The following TRMT11 variants were observed in gnomAD, a reference collection of about 807,000 sequenced individuals.
The protein encoded by TRMT11 is tRNA (guanine(10)-N(2))-methyltransferase TRMT11.
In TRMT11, 53 loss-of-function variants were observed where a neutral mutation model predicts 62.8. The ratio of observed to expected loss-of-function variants is 0.84; its 90% CI spans 0.68 to 1.06. The LOEUF (loss-of-function observed/expected upper bound fraction) is 1.06. Among genes scored for constraint, TRMT11 ranks in the 50% least tolerant of loss-of-function variants. TRMT11 has a pLI of 0.00. For synonymous variants in TRMT11, 188 were observed against 190.3 expected (o/e 0.99, Z 0.10); for missense variants, 556 against 553.4 (o/e 1.00, Z -0.05).
rs570864681 is a variant in TRMT11 at position 126,125,142 on chromosome 6, T to G, written c.*1823+9287T>G. On this transcript the variant is annotated intron_variant and NMD_transcript_variant, in intron 21 of 22. Coordinates refer to the TRMT11 transcript ENST00000648977. Reference sequence around the variant, plus strand: ...GAATCTCTCTCTGCAGGCGCCAGGTTTTGACCTGGTCTATGCTCAGACACT... The same window carrying G: ...GAATCTCTCTCTGCAGGCGCCAGGTGTTGACCTGGTCTATGCTCAGACACT... 2.8e-3 allele frequency among the ~76,000 whole-genome samples: 426 copies of G among 152,234 alleles called. 3 individuals carry two copies. Among genetic ancestry groups the G allele is most frequent in the Non-Finnish European group, 3.9e-3 (268 of 67,994 alleles).
the TRMT11 span, among the ~76,000 whole-genome samples, chr6:126,260,604 T>C: frequency 6.6e-6 from 1 of 152,200 alleles, no homozygotes; most frequent in African/African-American, 2.4e-5. Flanking sequence ...GCATTTCTTG[T>C]AGGGTTAGTC....
At chr6:126,108,078 A>C (rs1204939440) in intron 17 of TRMT11, among the ~76,000 whole-genome samples, 3 of 152,176 alleles carry the variant, frequency 2.0e-5, no homozygotes, top group Non-Finnish European at 4.4e-5. Context: ...TCTCATATTC[A>C]AATATTCTTC....
At chr6:126,252,353 T>C in the TRMT11 span, among the ~76,000 whole-genome samples, 1 of 152,150 alleles carries the variant, frequency 6.6e-6, no homozygotes, top group East Asian at 1.9e-4. Flanking sequence ...GCTTCTCCAG[T>C]ATGGTGGCCT....
the TRMT11 span, among the ~76,000 whole-genome samples, chr6:126,255,972 G>A: frequency 6.6e-6 from 1 of 152,164 alleles, no homozygotes. Flanking sequence ...TTTGGGAGTA[G>A]CTTGGCTGGG....
intron 12 of TRMT11, among the ~76,000 whole-genome samples, chr6:126,027,097 C>T (rs915627460): frequency 6.6e-6 from 1 of 152,156 alleles, no homozygotes; most frequent in African/African-American, 2.4e-5. Context: ...TGAGCCACCG[C>T]GCCCGGCCGT....
intron 1 of TRMT11, among the ~76,000 whole-genome samples, chr6:126,193,799 T>C (rs1023953798): frequency 6.6e-6 from 1 of 152,146 alleles, no homozygotes; most frequent in Non-Finnish European, 1.5e-5. Flanking sequence ...TCTGTGTTTT[T>C]GATGTAGACC....
chr6:126,012,137 A>G (rs1415401958), intron 9 of TRMT11, among the ~76,000 whole-genome samples: 1 of 152,184 alleles, frequency 6.6e-6, no homozygotes, highest in East Asian at 1.9e-4. Flanking sequence ...TAATGTAACA[A>G]AAGAAAAATT....
chr6:126,184,357 C>A (rs1206330092), intron 1 of TRMT11, among the ~76,000 whole-genome samples: 1 of 152,120 alleles, frequency 6.6e-6, no homozygotes, highest in Non-Finnish European at 1.5e-5. Context: ...CACTGACTGG[C>A]TAAATAGAAG....
At chr6:126,099,650 G>T (rs1283496396) in intron 17 of TRMT11, among the ~76,000 whole-genome samples, 2 of 152,176 alleles carry the variant, frequency 1.3e-5, no homozygotes, top group Non-Finnish European at 2.9e-5. Flanking sequence ...GGGAGGCTGA[G>T]GCAAGAGAAT....
chr6:126,209,136 G>A, the TRMT11 span, among the ~76,000 whole-genome samples: 1 of 152,120 alleles, frequency 6.6e-6, no homozygotes, highest in Non-Finnish European at 1.5e-5. Flanking sequence ...CTTAAAGATG[G>A]TAATTTTCTG....
chr6:126,137,056 T>A (rs887369516), intron 21 of TRMT11, among the ~76,000 whole-genome samples: 1 of 151,552 alleles, frequency 6.6e-6, no homozygotes, highest in Non-Finnish European at 1.5e-5. Context: ...ATTGGGGACA[T>A]ACAGGACATT....
chr6:126,058,754 C>G (rs1371813347), intron 17 of TRMT11, among the ~76,000 whole-genome samples: 2 of 152,162 alleles, frequency 1.3e-5, no homozygotes, highest in African/African-American at 2.4e-5. Context: ...CTCAACTGAT[C>G]CCACAGAAAT....
chr6:126,180,426 G>A (rs145575702), intron 1 of TRMT11, among the ~76,000 whole-genome samples: 7 of 152,194 alleles, frequency 4.6e-5, no homozygotes, highest in Admixed American at 2.6e-4. Context: ...CAGAAAGGAC[G>A]CAAGGACAAT....
At chr6:126,093,617 A>ATT (rs1777304105) in intron 17 of TRMT11, among the ~76,000 whole-genome samples, 1 of 88,910 alleles carries the variant, frequency 1.1e-5, no homozygotes, top group African/African-American at 9.2e-5. Context: ...ATATATATAT[A>ATT]TATATATATA....
intron 21 of TRMT11, among the ~76,000 whole-genome samples, chr6:126,154,558 TCTTCTAG>T (rs1376282466): frequency 6.6e-6 from 1 of 152,216 alleles, no homozygotes; most frequent in East Asian, 1.9e-4. Context: ...TAATGTCATT[TCTTCTAG>T]CCCAGTAGCA....
chr6:126,248,225 C>G, the TRMT11 span, among the ~76,000 whole-genome samples: 1 of 151,890 alleles, frequency 6.6e-6, no homozygotes, highest in Non-Finnish European at 1.5e-5. Flanking sequence ...ACAAAAAGAA[C>G]AAAGGAACTC....
At chr6:126,120,866 T>C (rs1261468238) in intron 21 of TRMT11, among the ~76,000 whole-genome samples, 2 of 152,128 alleles carry the variant, frequency 1.3e-5, no homozygotes, top group Non-Finnish European at 2.9e-5. Flanking sequence ...GGACATAGAT[T>C]TGAGTCATCA....
intron 21 of TRMT11, among the ~76,000 whole-genome samples, chr6:126,168,230 A>G (rs1363463690): frequency 6.6e-6 from 1 of 152,240 alleles, no homozygotes; most frequent in Non-Finnish European, 1.5e-5. Context: ...AAAGCTGTGT[A>G]GTCAGAACCA....
chr6:126,247,889 C>T, the TRMT11 span, among the ~76,000 whole-genome samples: 1 of 151,734 alleles, frequency 6.6e-6, no homozygotes, highest in Non-Finnish European at 1.5e-5. Flanking sequence ...GCATCTTCAG[C>T]TTGGAAAAAA....
Sources: allele counts gnomAD v4.1 joint callset (sites outside exome capture counted in the v4.1 genomes callset), GRCh38; gene constraint gnomAD v4.1.1; transcripts MANE v1.5; gene names NCBI Gene and HGNC (gene_info 2026-07-23, HGNC 2026-07-21).